MAPKBP1: variants seen among roughly 807,000 people sequenced by gnomAD.
MAPKBP1 encodes the protein mitogen-activated protein kinase-binding protein 1.
In MAPKBP1, 71 loss-of-function variants were observed where a neutral mutation model predicts 170.5. The ratio of observed to expected loss-of-function variants is 0.42; its 90% CI spans 0.34 to 0.51. The LOEUF is 0.51. Among genes scored for constraint, MAPKBP1 ranks in the 20% least tolerant of loss-of-function variants. The pLI, the probability that MAPKBP1 is intolerant of heterozygous loss-of-function variation, is 0.06. For synonymous variants in MAPKBP1, 719 were observed against 757.9 expected, an observed-to-expected ratio of 0.95 and a Z score of 0.84; for missense variants, 1,598 against 1,933.0, an observed-to-expected ratio of 0.83 and a Z score of 3.25.
At chr15:41,788,878 G>A (rs1489378358) in intron 2 of MAPKBP1, among the ~76,000 whole-genome samples, 1 of 152,198 alleles carries the variant, frequency 6.6e-6, no homozygotes, top group East Asian at 1.9e-4. Context: ...GGTTGGAGGA[G>A]GGGAGGAAAG....
intron 8 of MAPKBP1, 126 bp from the exon 9 acceptor site, chr15:41,813,495 G>C: frequency 1.4e-6 from 2 of 1,427,330 alleles, no homozygotes; most frequent in East Asian, 2.3e-5. Flanking sequence ...CAGGGCAGCT[G>C]GGCGGCTTTT....
rs547414773 is a variant in MAPKBP1 at position 41,810,907 on chromosome 15, C to T, written c.231C>T (p.Pro77=). The stretch of plus-strand genomic sequence containing the variant: ...GGTGTGTGGTTGTGTTGTTCAATCC[C>T]CGGAAACACAAACAGCACCACATCC... ...PAGCVVVLFN[P]RKHKQHHILN... The change falls in exon 4 of 31, where the codon CCC becomes CCT. Residue 77 remains proline (P), a synonymous_variant. Transcript: ENST00000457542. The T allele has an allele frequency of 1.9e-6, 3 of 1,614,104 alleles. No homozygotes were observed. The highest frequency in any genetic ancestry group is 2.5e-6 in the Non-Finnish European group (3 of 1,180,024).
chr15:41,787,801 C>T (rs1440616869), intron 2 of MAPKBP1, among the ~76,000 whole-genome samples: 2 of 152,128 alleles, frequency 1.3e-5, no homozygotes, highest in Admixed American at 1.3e-4. Context: ...TCAGGCCTTC[C>T]TCTGTCTTTC....
At chr15:41,777,715 C>T (rs1273669194) in intron 2 of MAPKBP1, among the ~76,000 whole-genome samples, 1 of 152,196 alleles carries the variant, frequency 6.6e-6, no homozygotes, top group Non-Finnish European at 1.5e-5. Flanking sequence ...ATTCTAAAAG[C>T]CTGCCTTGTG....
intron 2 of MAPKBP1, among the ~76,000 whole-genome samples, chr15:41,798,313 C>T (rs1037198484): frequency 2.0e-5 from 3 of 149,518 alleles, no homozygotes; most frequent in African/African-American, 4.9e-5. Context: ...GATGGCGTCT[C>T]GCTGTGTCAC....
intron 5 of MAPKBP1, 101 bp downstream of exon 5, chr15:41,811,336 A>G: frequency 7.7e-7 from 1 of 1,292,660 alleles, no homozygotes; most frequent in Non-Finnish European, 1.1e-6. Flanking sequence ...GGCTTCTGAA[A>G]CAGACACCAA....
intron 3 of MAPKBP1, among the ~76,000 whole-genome samples, chr15:41,802,872 C>G (rs2064622198): frequency 1.3e-5 from 2 of 152,160 alleles, no homozygotes; most frequent in South Asian, 4.1e-4. Flanking sequence ...ACACATTAGC[C>G]TAGCGCATAG....
intron 2 of MAPKBP1, among the ~76,000 whole-genome samples, chr15:41,783,046 G>A (rs966317373): frequency 1.3e-5 from 2 of 152,174 alleles, no homozygotes; most frequent in African/African-American, 4.8e-5. Context: ...GCAGGGTGCA[G>A]CTGTGTGGTT....
chr15:41,790,273 G>A (rs906430450), intron 2 of MAPKBP1, among the ~76,000 whole-genome samples: 3 of 152,186 alleles, frequency 2.0e-5, no homozygotes, highest in East Asian at 1.9e-4. Context: ...CCTTAGTTTA[G>A]TAGTTCCCAA....
At chr15:41,776,385 T>G (rs2064098441) in intron 2 of MAPKBP1, among the ~76,000 whole-genome samples, 1 of 152,252 alleles carries the variant, frequency 6.6e-6, no homozygotes, top group Admixed American at 6.5e-5. Flanking sequence ...TGGGAGGACT[T>G]AGTTCAGCCC....
intron 30 of MAPKBP1, among the ~76,000 whole-genome samples, chr15:41,824,833 C>G (rs1030135255): frequency 1.3e-5 from 2 of 152,210 alleles, no homozygotes; most frequent in Admixed American, 6.5e-5. Context: ...TGGCTCAGGA[C>G]AATCCCAGTT....
chr15:41,825,364 A>C lies in MAPKBP1; in HGVS notation c.4455A>C (p.Thr1485=). The C allele has an allele frequency of 1.2e-6, 2 of 1,613,542 alleles. No homozygotes were observed. Among genetic ancestry groups the C allele is most frequent in the Non-Finnish European group, 1.7e-6 (2 of 1,180,000 alleles). Residue 1485 remains threonine, a synonymous_variant, in exon 31 of 31, where the codon ACA becomes ACC. Transcript: ENST00000457542. ...SSPGAVGAEQ[T]QALLEQYSEL... ...CTGGGGCTGTGGGAGCCGAGCAGAC[A>C]CAGGCCCTGCTGGAGCAATACTCAG... is the stretch of plus-strand genomic sequence containing the variant.
Position 41,822,312 on chromosome 15 carries a change from A to G in MAPKBP1, c.3119A>G (p.Glu1040Gly). 4 of 1,614,048 alleles carry G rather than the reference A, an allele frequency of 2.5e-6. No individual in the cohort carries two copies. The highest frequency in any genetic ancestry group is 3.4e-6 in the Non-Finnish European group (4 of 1,179,996). The change falls in exon 26 of 31, where the codon GAG (glutamate) becomes GGG (glycine). Residue 1040 changes from glutamate (E) to glycine (G), a missense_variant. Physicochemically the swap from Glu to Gly is moderately conservative, Grantham distance 98. Coordinates refer to ENST00000457542, the MANE Select transcript of MAPKBP1 (RefSeq NM_014994.3). ...GAGGGTGATGAAGAAGAGGAAGAAGAGGAGGGAGGCATGGGCCCCTATGGG... is the reference window on the plus strand; with the variant it reads ...GAGGGTGATGAAGAAGAGGAAGAAGGGGAGGGAGGCATGGGCCCCTATGGG... Reference protein sequence around the residue: ...PAEGDEEEEEEEGGMGPYGLQ... With the variant: ...PAEGDEEEEEGEGGMGPYGLQ...
chr15:41,800,195 C>T (rs1397913896), intron 3 of MAPKBP1, among the ~76,000 whole-genome samples: 1 of 152,166 alleles, frequency 6.6e-6, no homozygotes, highest in Non-Finnish European at 1.5e-5. Context: ...CAGTAACTAC[C>T]TTCCAGTCAT....
chr15:41,782,224 T>C (rs1407893708), intron 2 of MAPKBP1, among the ~76,000 whole-genome samples: 1 of 140,946 alleles, frequency 7.1e-6, no homozygotes, highest in African/African-American at 2.6e-5. Flanking sequence ...ATCGCGCCAC[T>C]GCCCTCCAGC....
chr15:41,787,525 G>A (rs2064320190), intron 2 of MAPKBP1, among the ~76,000 whole-genome samples: 1 of 152,014 alleles, frequency 6.6e-6, no homozygotes, highest in South Asian at 2.1e-4. Flanking sequence ...CCGCCACCAT[G>A]CCCAGCTAAT....
chr15:41,782,246 C>T (rs1345611096), intron 2 of MAPKBP1, among the ~76,000 whole-genome samples: 7 of 121,966 alleles, frequency 5.7e-5, no homozygotes, highest in African/African-American at 1.6e-4. Context: ...TGGGAGATAG[C>T]GAGGCTCTGT....
At chr15:41,798,309 G>T (rs938483969) in intron 2 of MAPKBP1, among the ~76,000 whole-genome samples, 1 of 149,350 alleles carries the variant, frequency 6.7e-6, no homozygotes. Context: ...TTGAGATGGC[G>T]TCTCGCTGTG....
At position 41,815,340 on chromosome 15, in the gene MAPKBP1, C is replaced by T. The variant is rs752889005; in HGVS notation, c.1252C>T (p.Arg418Cys). Residue 418 changes from arginine to cysteine, a missense_variant, in exon 11 of 31, where the codon CGC becomes TGC. Coordinates refer to ENST00000457542, the MANE Select transcript of MAPKBP1 (RefSeq NM_014994.3). ...FITCSSDNTIRLWNTESSGVH... is the reference protein window; with the variant it reads ...FITCSSDNTICLWNTESSGVH... ...TACCTGCTCCTCAGACAACACCATC[C>T]GCCTGTGGAACACAGAGAGCTCCGG... is the stretch of plus-strand genomic sequence containing the variant. 6.2e-6 allele frequency: 10 copies of T among 1,614,074 alleles called. No homozygotes were observed. The highest frequency in any genetic ancestry group is 7.6e-6 in the Non-Finnish European group (9 of 1,180,032).
Sources: allele counts gnomAD v4.1 joint callset (sites outside exome capture counted in the v4.1 genomes callset), GRCh38; gene constraint gnomAD v4.1.1; transcripts MANE v1.5; gene names NCBI Gene and HGNC (gene_info 2026-07-23, HGNC 2026-07-21).